The following COPB2 variants were observed in gnomAD, a reference collection of about 807,000 sequenced individuals.
COPB2 encodes the protein coatomer subunit beta'.
Under a neutral mutation model 120.8 loss-of-function variants are expected in COPB2, and 16 were observed. That is an observed-to-expected ratio of 0.13 (90% CI 0.09 to 0.20). COPB2 has a LOEUF of 0.20. Among genes scored for constraint, COPB2 ranks in the 10% least tolerant of loss-of-function variants. The pLI, the probability that COPB2 is intolerant of heterozygous loss-of-function variation, is 1.00. For synonymous variants in COPB2, 332 were observed against 366.3 expected (o/e 0.91, Z 1.07); for missense variants, 794 against 1,076.5 (o/e 0.74, Z 3.67).
intron 5 of COPB2, 25 bp from the exon 6 acceptor site, chr3:139,375,639 A>C: frequency 6.2e-7 from 1 of 1,610,780 alleles, no homozygotes; most frequent in Non-Finnish European, 8.5e-7. Flanking sequence ...AGCATCGGCC[A>C]GTCAATATGG....
chr3:139,367,423 G>A (rs1441730204), intron 13 of COPB2, among the ~76,000 whole-genome samples: 1 of 151,890 alleles, frequency 6.6e-6, no homozygotes, highest in Non-Finnish European at 1.5e-5. Flanking sequence ...AAGTATCTGG[G>A]ATTACAGGCG....
Position 139,373,374 on chromosome 3 carries a change from A to G in COPB2, c.933T>C (p.Asn311=), listed in dbSNP as rs376901120. The G allele has an allele frequency of 1.2e-6, 2 of 1,614,158 alleles. No individual in the cohort carries two copies. The highest frequency in any genetic ancestry group is 1.3e-5 in the African/African-American group (1 of 75,034). Residue 311 remains asparagine (N), a synonymous_variant, in exon 9 of 22, where the codon AAT becomes AAC. Transcript: ENST00000333188. ...REEPAMSMDA[N]GKIIWAKHSE... ...AATGCTTGGCCCAAATTATCTTTCCATTGGCATCCATGGACATGGCAGGTT... is the reference window on the plus strand; with the variant it reads ...AATGCTTGGCCCAAATTATCTTTCCGTTGGCATCCATGGACATGGCAGGTT...
chr3:139,366,445 G>A (rs1941516715), intron 15 of COPB2, 123 bp downstream of exon 15: 1 of 862,982 alleles, frequency 1.2e-6, no homozygotes, highest in Admixed American at 2.8e-5. Context: ...AAACTCACAG[G>A]AGAAATTCTA....
Position 139,383,402 on chromosome 3 carries a change from CAGTT to C in COPB2, c.33_36del (p.Thr12LeufsTer38). The C allele has an allele frequency of 6.3e-7, 1 of 1,583,578 alleles. No individual in the cohort carries two copies. The highest frequency in any genetic ancestry group is 1.2e-5 in the South Asian group (1 of 85,154). On this transcript the variant is annotated frameshift_variant, in exon 2 of 22. Transcript: ENST00000333188. LOFTEE classifies it high-confidence loss of function. ...ACACTCTTAACTCGATCAGATCTAGCAGTTAGCTTTCTTTTGATATCAAGTCGCA... is the reference window on the plus strand; with the variant it reads ...ACACTCTTAACTCGATCAGATCTAGCAGCTTTCTTTTGATATCAAGTCGCA...
intron 7 of COPB2, 199 bp downstream of exon 7, chr3:139,374,290 A>AATGATGACG (rs1428221416): frequency 1.9e-6 from 1 of 529,686 alleles, no homozygotes; most frequent in African/African-American, 2.1e-5. Flanking sequence ...AATACATGAG[A>AATGATGACG]ATGATGACGA....
At chr3:139,358,656 G>A (rs1941343824) in intron 20 of COPB2, 88 bp downstream of exon 20, 3 of 930,366 alleles carry the variant, frequency 3.2e-6, no homozygotes, top group Non-Finnish European at 5.2e-6. Flanking sequence ...ACTCCAGCCA[G>A]GGCAATGGAG....
chr3:139,375,711 C>G (rs62270800), intron 5 of COPB2, 97 bp from the exon 6 acceptor site: 8 of 1,353,470 alleles, frequency 5.9e-6, no homozygotes, highest in Non-Finnish European at 7.9e-6. Context: ...AATGCCAAAG[C>G]CCAGGAGAGA....
rs771823510 is a variant in COPB2 at position 139,379,351 on chromosome 3, G to A, written c.228+29C>T. On this transcript the variant is annotated intron_variant, in intron 3 of 21. Coordinates refer to ENST00000333188, the MANE Select transcript of COPB2 (RefSeq NM_004766.3). Reference sequence around the variant, plus strand: ...ACAATCATTGACCAATTCAGAAAATGGGAATAGAGATTCATATTAATTACT... The same window carrying A: ...ACAATCATTGACCAATTCAGAAAATAGGAATAGAGATTCATATTAATTACT... 3 of 1,598,984 alleles carry A rather than the reference G, an allele frequency of 1.9e-6. No individual in the cohort carries two copies. The Admixed American group carries it at 5.1e-5, about 27-fold the overall frequency.
intron 15 of COPB2, among the ~76,000 whole-genome samples, chr3:139,364,021 ACTAAT>A (rs1941471582): frequency 6.7e-6 from 1 of 149,378 alleles, no homozygotes; most frequent in Non-Finnish European, 1.5e-5. Context: ...ATTCCCTACT[ACTAAT>A]AAAATCACAC....
intron 2 of COPB2, 93 bp downstream of exon 2, chr3:139,383,205 A>G: frequency 7.0e-7 from 1 of 1,431,896 alleles, no homozygotes; most frequent in Non-Finnish European, 9.7e-7. Context: ...TTGCATATAG[A>G]TTCTGGATTC....
rs1273455627 is a variant in COPB2 at position 139,362,576 on chromosome 3, A to T, written c.1885-59T>A. The T allele has an allele frequency of 2.5e-4, 34 of 136,348 alleles. 1 individual carries two copies. The highest frequency in any genetic ancestry group is 1.3e-3 in the South Asian group (9 of 7,030). The allele number at this position is 136,348 out of a possible 1,614,324, so 8.4% of individuals were successfully genotyped here. On this transcript the variant is annotated intron_variant, in intron 15 of 21. Transcript: ENST00000333188. ...GCATACAAAAATGTATGTATGTTTT[A>T]TATATATATATATACACACACATAT...
chr3:139,366,838 G>A lies in COPB2; in HGVS notation c.1677-63C>T, dbSNP rs139834235. ...CTGCAATTACACAAACACACACCCC[G>A]CCAATCTCCCTCTTGCTCAAAACCT... On this transcript the variant is annotated intron_variant, in intron 14 of 21. Coordinates refer to ENST00000333188, the MANE Select transcript of COPB2 (RefSeq NM_004766.3). 1.3e-3 allele frequency: 1,975 copies of A among 1,542,834 alleles called. 20 individuals are homozygous for A. In the African/African-American group the frequency reaches 0.019, roughly 15 times the overall value.
chr3:139,388,878 T>A (rs1041535592), intron 1 of COPB2, among the ~76,000 whole-genome samples: 2 of 151,982 alleles, frequency 1.3e-5, no homozygotes, highest in African/African-American at 4.8e-5. Context: ...ATAACACTCT[T>A]GTGCAAACTA....
intron 1 of COPB2, among the ~76,000 whole-genome samples, chr3:139,387,526 C>T (rs187535274): frequency 2.7e-4 from 41 of 152,284 alleles, no homozygotes; most frequent in Admixed American, 2.2e-3. Flanking sequence ...AGCATTCTTT[C>T]CTAGGGAATC....
intron 7 of COPB2, 76 bp from the exon 8 acceptor site, chr3:139,373,884 T>C (rs1211272068): frequency 1.3e-5 from 20 of 1,551,848 alleles, no homozygotes; most frequent in Admixed American, 3.6e-5. Context: ...AAGAGACCCA[T>C]AGAAGTCTTT....
intron 2 of COPB2, 110 bp from the exon 3 acceptor site, chr3:139,379,576 T>A (rs1462835056): frequency 1.2e-6 from 1 of 825,370 alleles, no homozygotes; most frequent in Non-Finnish European, 1.9e-6. Context: ...CATTTTAGTA[T>A]ATTCTCAGGC....
At chr3:139,379,807 C>A in intron 2 of COPB2, 1 of 246,788 alleles carries the variant, frequency 4.1e-6, no homozygotes, top group Non-Finnish European at 7.9e-6. Flanking sequence ...AAAATCCACC[C>A]ATGGAAACTT....
intron 12 of COPB2, among the ~76,000 whole-genome samples, chr3:139,368,890 C>A (rs1359602880): frequency 6.6e-6 from 1 of 152,130 alleles, no homozygotes; most frequent in African/African-American, 2.4e-5. Context: ...GAGATGGTCA[C>A]CTCAAGTTCA....
Position 139,379,144 on chromosome 3 carries a change from G to A in COPB2, c.258C>T (p.Tyr86=), listed in dbSNP as rs1442564441. Reference sequence around the variant, plus strand: ...ACATATGAACTCTCTCCAGAGTATTGTAATTGAACACTCTAATCTGCATGT... The same window carrying A: ...ACATATGAACTCTCTCCAGAGTATTATAATTGAACACTCTAATCTGCATGT... The part of the protein sequence containing the change: ...ADDMQIRVFN[Y]NTLERVHMFE... The change falls in exon 4 of 22, where the codon TAC becomes TAT. Residue 86 remains tyrosine (Y), a synonymous_variant. Transcript: ENST00000333188. 6.2e-7 allele frequency: 1 copy of A among 1,609,500 alleles called. No individual in the cohort carries two copies. The highest frequency in any genetic ancestry group is 1.7e-5 in the Admixed American group (1 of 58,828).
Sources: allele counts gnomAD v4.1 joint callset (sites outside exome capture counted in the v4.1 genomes callset), GRCh38; gene constraint gnomAD v4.1.1; transcripts MANE v1.5; gene names NCBI Gene and HGNC (gene_info 2026-07-23, HGNC 2026-07-21).